The following ZNF518A variants were observed in gnomAD, a reference collection of about 807,000 sequenced individuals.
ZNF518A encodes the protein zinc finger protein 518A.
ZNF518A carries 47 observed loss-of-function variants against 102.7 expected under a neutral mutation model. The ratio of observed to expected loss-of-function variants is 0.46; its 90% CI spans 0.36 to 0.58. The LOEUF (loss-of-function observed/expected upper bound fraction) is 0.58. Ranked by LOEUF, ZNF518A falls within the 20% of genes least tolerant of loss-of-function variation. The probability of loss-of-function intolerance (pLI) is 0.00; values close to 1 mark genes in which losing one functional copy is unlikely to be tolerated. For missense variants in ZNF518A, 1,793 were observed against 1,699.8 expected, an observed-to-expected ratio of 1.05 and a Z score of -0.96; for synonymous variants, 652 against 594.6, an observed-to-expected ratio of 1.10 and a Z score of -1.40.
At chr10:96,185,561 T>C (rs1554892487) in intron 1 of ZNF518A, among the ~76,000 whole-genome samples, 1 of 152,102 alleles carries the variant, frequency 6.6e-6, no homozygotes, top group Non-Finnish European at 1.5e-5. Flanking sequence ...GAACAGTCAG[T>C]CCCCTCAGCT....
At chr10:96,147,339 A>G (rs1318364709) in intron 3 of ZNF518A, among the ~76,000 whole-genome samples, 1 of 152,180 alleles carries the variant, frequency 6.6e-6, no homozygotes, top group Non-Finnish European at 1.5e-5. Flanking sequence ...TGACAGGAGC[A>G]TGTGATCTGT....
intron 3 of ZNF518A, among the ~76,000 whole-genome samples, chr10:96,145,582 G>A (rs1554878213): frequency 2.6e-5 from 4 of 152,138 alleles, no homozygotes; most frequent in Non-Finnish European, 1.5e-5. Flanking sequence ...TAACTTTGAC[G>A]CTTGTGTTAA....
chr10:96,166,977 A>C (rs1387857814), downstream of ZNF518A, among the ~76,000 whole-genome samples: 1 of 152,234 alleles, frequency 6.6e-6, no homozygotes, highest in African/African-American at 2.4e-5. Flanking sequence ...TAATTAGTCA[A>C]GCCAAGTCAC....
At chr10:96,203,813 G>T (rs1011793712) in intron 2 of ZNF518A, 17 of 353,674 alleles carry the variant, frequency 4.8e-5, no homozygotes, top group Non-Finnish European at 7.7e-5. Flanking sequence ...AAGGATGCAT[G>T]ATCAGTAAAA....
Position 96,175,938 on chromosome 10 carries a change from T to TTC in ZNF518A, n.35+19891_35+19892insTC, listed in dbSNP as rs1564801857. On this transcript the variant is annotated intron_variant and non_coding_transcript_variant, in intron 1 of 2. Transcript: ENST00000442635. ...TCCTTCCTTCCTTCCTTCCTTCCTTTCTTTCCTCCTTCCTTTCTTTTGTTT... is the reference window on the plus strand; with the variant it reads ...TCCTTCCTTCCTTCCTTCCTTCCTTTTCCTTTCCTCCTTCCTTTCTTTTGTTT... Among the ~76,000 whole-genome samples the TTC allele has an allele frequency of 1.4e-4, 17 of 124,920 alleles. 2 individuals carry two copies. In the East Asian group the frequency reaches 3.1e-3, roughly 23 times the overall value. 82.0% of individuals were successfully genotyped at this position (124,920 alleles called of 152,430 possible).
chr10:96,182,578 A>G (rs1223664848), intron 1 of ZNF518A, among the ~76,000 whole-genome samples: 2 of 152,168 alleles, frequency 1.3e-5, no homozygotes, highest in Non-Finnish European at 2.9e-5. Flanking sequence ...TTCTGCATCT[A>G]TTGAGGTAAT....
Position 96,159,324 on chromosome 10 carries a change from G to T in ZNF518A, c.3002G>T (p.Arg1001Leu), listed in dbSNP as rs781816575. 6.8e-6 allele frequency: 11 copies of T among 1,613,474 alleles called. No individual in the cohort carries two copies. The highest frequency in any genetic ancestry group is 9.3e-6 in the Non-Finnish European group (11 of 1,179,694). Reference protein sequence around the residue: ...SAVKTEGAPARGTVTKEPCKT... With the variant: ...SAVKTEGAPALGTVTKEPCKT... ...GTCAAAACCGAGGGTGCCCCAGCTCGTGGAACTGTGACTAAGGAGCCTTGC... is the reference window on the plus strand; with the variant it reads ...GTCAAAACCGAGGGTGCCCCAGCTCTTGGAACTGTGACTAAGGAGCCTTGC... The change falls in exon 6 of 6, where the codon CGT becomes CTT. Residue 1001 changes from arginine to leucine, a missense_variant. Arg to Leu is a moderately radical substitution (Grantham distance 102, BLOSUM62 -2). Around this residue, in one of 3 missense-constraint regions of ZNF518A, gnomAD observed 1,741 missense variants for 1,622.6 expected, o/e 1.07. Coordinates refer to ENST00000316045, the MANE Select transcript of ZNF518A (RefSeq NM_001330736.2).
At position 96,163,379 on chromosome 10, in the gene ZNF518A, C is replaced by G. The variant is rs1250597267; in HGVS notation, c.*2605C>G. The G allele has an allele frequency of 3.0e-5, 5 of 166,898 alleles. No individual in the cohort carries two copies. Among genetic ancestry groups the G allele is most frequent in the Non-Finnish European group, 1.5e-5 (1 of 68,066 alleles). The allele number at this position is 166,898 out of a possible 1,614,324, so 10.3% of individuals were successfully genotyped here. A position where few individuals can be genotyped will look rare whatever the true frequency, so the allele number is the denominator to read the frequency against. ...ATATGATTTTCAGTAGTTCGAGGTT[C>G]TTATTACAATTGAAGAGTTAGTTTT... On this transcript the variant is annotated 3_prime_UTR_variant, in exon 6 of 6. Transcript: ENST00000316045.
intron 1 of ZNF518A, among the ~76,000 whole-genome samples, chr10:96,170,649 T>G (rs1394131759): frequency 6.6e-6 from 1 of 152,230 alleles, no homozygotes; most frequent in East Asian, 1.9e-4. Context: ...TGACAGTTTG[T>G]TTGCCAGACT....
At position 96,200,484 on chromosome 10, in the gene ZNF518A, A is replaced by G. The variant is rs1554895859; in HGVS notation, n.36-3090A>G. ...TACAATTTCCAAAGCATTTTTACAAATATTATTTTATTTGATTCTTGCAAG... is the reference window on the plus strand; with the variant it reads ...TACAATTTCCAAAGCATTTTTACAAGTATTATTTTATTTGATTCTTGCAAG... On this transcript the variant is annotated intron_variant and non_coding_transcript_variant, in intron 1 of 2. Transcript: ENST00000442635. The surrounding 1 kb of genome is among the most constrained non-coding windows in gnomAD (Gnocchi z 4.3). Among the ~76,000 whole-genome samples, 1 of 152,134 alleles carries G rather than the reference A, an allele frequency of 6.6e-6. No individual in the cohort carries two copies. The highest frequency in any genetic ancestry group is 1.5e-5 in the Non-Finnish European group (1 of 68,044).
intron 1 of ZNF518A, among the ~76,000 whole-genome samples, chr10:96,181,291 A>G (rs2083238723): frequency 1.3e-5 from 2 of 152,158 alleles, no homozygotes. Context: ...CCCATTCTGT[A>G]GGTTGCCTGT....
chr10:96,184,733 C>T (rs4526713), intron 1 of ZNF518A, among the ~76,000 whole-genome samples: 56,835 of 150,422 alleles, frequency 0.38, 11,941 homozygotes, highest in Middle Eastern at 0.55. Context: ...CTGCCCTTAA[C>T]ATTTTTTCCT....
intron 1 of ZNF518A, among the ~76,000 whole-genome samples, chr10:96,181,297 C>T (rs61856979): frequency 0.051 from 7,752 of 152,198 alleles, 277 homozygotes; most frequent in Middle Eastern, 0.085. Context: ...CTGTAGGTTG[C>T]CTGTTCACTC....
downstream of ZNF518A, among the ~76,000 whole-genome samples, chr10:96,164,404 T>C (rs894333080): frequency 1.3e-5 from 2 of 152,198 alleles, no homozygotes; most frequent in African/African-American, 2.4e-5. Flanking sequence ...CTAGCAAAAC[T>C]TACTGGGGGG....
rs1554895983 is a variant in ZNF518A at position 96,201,000 on chromosome 10, A to T, written n.36-2574A>T. On this transcript the variant is annotated intron_variant and non_coding_transcript_variant, in intron 1 of 2. Transcript: ENST00000442635. The surrounding 1 kb of genome is among the most constrained non-coding windows in gnomAD (Gnocchi z 4.3). ...TTCATACCTGTTCTGAAATAGTGGA[A>T]TTAGATGAAAAGCTGGGTAGGGGCC... 1 of 1,614,096 alleles carries T rather than the reference A, an allele frequency of 6.2e-7. No individual in the cohort carries two copies. Among genetic ancestry groups the T allele is most frequent in the Non-Finnish European group, 8.5e-7 (1 of 1,179,944 alleles).
At chr10:96,142,267 C>T (rs2081962476) in intron 3 of ZNF518A, among the ~76,000 whole-genome samples, 1 of 151,014 alleles carries the variant, frequency 6.6e-6, no homozygotes, top group Admixed American at 6.6e-5. Flanking sequence ...ATTTTGAGGG[C>T]ACTAAAATAG....
intron 3 of ZNF518A, among the ~76,000 whole-genome samples, chr10:96,147,513 G>A (rs1241537590): frequency 1.3e-5 from 2 of 152,020 alleles, no homozygotes; most frequent in African/African-American, 4.8e-5. Context: ...GTAACAACTT[G>A]GGGAAGGATG....
At chr10:96,137,009 G>C (rs1213505939) in intron 3 of ZNF518A, among the ~76,000 whole-genome samples, 1 of 152,244 alleles carries the variant, frequency 6.6e-6, no homozygotes, top group Non-Finnish European at 1.5e-5. Context: ...GAGTGTGGCT[G>C]TATTCCAGTG....
chr10:96,172,772 A>G (rs1185846714), intron 1 of ZNF518A, among the ~76,000 whole-genome samples: 1 of 152,126 alleles, frequency 6.6e-6, no homozygotes, highest in Non-Finnish European at 1.5e-5. Context: ...CAAAAAAGGA[A>G]TGAAACCTAT....
Sources: allele counts gnomAD v4.1 joint callset (sites outside exome capture counted in the v4.1 genomes callset), GRCh38; gene constraint gnomAD v4.1.1; regional missense constraint gnomAD v4.1.1; non-coding constraint Gnocchi (gnomAD v3.1); transcripts MANE v1.5; gene names NCBI Gene and HGNC (gene_info 2026-07-23, HGNC 2026-07-21).